CHD2: variants seen among roughly 807,000 people sequenced by gnomAD.
CHD2 encodes the protein ATP-dependent chromatin remodeler CHD2.
A neutral mutation model predicts 243.9 loss-of-function variants in CHD2; 28 were observed. The ratio of observed to expected loss-of-function variants is 0.11; its 90% CI spans 0.09 to 0.16. The LOEUF (loss-of-function observed/expected upper bound fraction) is 0.16. Ranked by LOEUF, CHD2 falls within the 10% of genes least tolerant of loss-of-function variation. The pLI is 1.00. For missense variants in CHD2, 1,386 were observed against 2,209.8 expected, an observed-to-expected ratio of 0.63 and a Z score of 7.47; for synonymous variants, 775 against 779.0, an observed-to-expected ratio of 0.99 and a Z score of 0.09.
chr15:92,961,405 GTTTTC>G (rs1164421965), intron 16 of CHD2, among the ~76,000 whole-genome samples: 4 of 151,920 alleles, frequency 2.6e-5, no homozygotes, highest in Admixed American at 2.6e-4. Context: ...TTTAATTTTA[GTTTTC>G]TTTTTTAAGA....
rs749592290 is a variant in CHD2 at position 93,014,716 on chromosome 15, C to T, written c.4713C>T (p.Asp1571=). The T allele has an allele frequency of 1.3e-5, 21 of 1,613,926 alleles. No homozygotes were observed. The highest frequency in any genetic ancestry group is 1.6e-4 in the Middle Eastern group (1 of 6,080). Residue 1571 remains aspartate, a synonymous_variant, in exon 37 of 39, where the codon GAC becomes GAT. Coordinates refer to ENST00000394196, the MANE Select transcript of CHD2 (RefSeq NM_001271.4). ...QEEEEQKKKD[D]VTGGKKPFRP... ...TTTAGGAGCAAAAGAAGAAAGACGA[C>T]GTGACTGGGGGTAAGAAACCATTTC...
At chr15:92,960,934 T>C (rs965241710) in intron 16 of CHD2, among the ~76,000 whole-genome samples, 5 of 152,010 alleles carry the variant, frequency 3.3e-5, no homozygotes, top group African/African-American at 1.2e-4. Context: ...GCCAGGTTGG[T>C]CTCGAACTCC....
At position 92,953,299 on chromosome 15, in the gene CHD2, TTC is replaced by T. The variant is rs879191838; in HGVS notation, c.1503-56_1503-55del. ...TTGGTGTCGTTGCTGTTTATGCACA[TTC>T]TGTGTTTTGGTGAACTAATGATTTT... On this transcript the variant is annotated intron_variant, in intron 13 of 38. Transcript: ENST00000394196. The T allele has an allele frequency of 1.4e-5, 20 of 1,421,212 alleles. No homozygotes were observed. In the South Asian group the frequency reaches 2.0e-4, roughly 14 times the overall value. 88.0% of individuals were successfully genotyped at this position (1,421,212 alleles called of 1,614,324 possible). A position where few individuals can be genotyped will look rare whatever the true frequency, so the allele number is the denominator to read the frequency against.
chr15:92,903,549 C>A (rs1466337130), intron 2 of CHD2, among the ~76,000 whole-genome samples: 2 of 151,682 alleles, frequency 1.3e-5, no homozygotes, highest in Non-Finnish European at 2.9e-5. Flanking sequence ...TACTTTATCA[C>A]GATTTTTGAA....
intron 24 of CHD2, among the ~76,000 whole-genome samples, chr15:92,983,939 T>C (rs1250553684): frequency 6.6e-6 from 1 of 152,200 alleles, no homozygotes; most frequent in African/African-American, 2.4e-5. Flanking sequence ...TCTATACAAC[T>C]TATAGAAATG....
intron 34 of CHD2, 133 bp downstream of exon 34, chr15:93,004,884 G>A (rs1433749832): frequency 2.0e-5 from 18 of 913,844 alleles, no homozygotes; most frequent in Non-Finnish European, 2.5e-5. Flanking sequence ...ATTGCTTACA[G>A]TATCGGAAGA....
chr15:92,996,955 A>G lies in CHD2; in HGVS notation c.3596-2A>G. 1 of 1,592,624 alleles carries G rather than the reference A, an allele frequency of 6.3e-7. No homozygotes were observed. Among genetic ancestry groups the G allele is most frequent in the South Asian group, 1.2e-5 (1 of 86,578 alleles). ...AACTAATGTGAAACTGGTATTTTTC[A>G]GGAAAAGGACCAGGGAAAAGGAGAG... On this transcript the variant is annotated splice_acceptor_variant, in intron 28 of 38. Transcript: ENST00000394196. LOFTEE classifies it high-confidence loss of function.
At chr15:92,933,559 G>T (rs531388589) in intron 5 of CHD2, among the ~76,000 whole-genome samples, 2 of 151,972 alleles carry the variant, frequency 1.3e-5, no homozygotes, top group Admixed American at 6.6e-5. Context: ...TCCAAATTGC[G>T]CAGTGTTGTA....
At chr15:93,001,582 T>A (rs537574267) in intron 32 of CHD2, among the ~76,000 whole-genome samples, 2 of 152,250 alleles carry the variant, frequency 1.3e-5, no homozygotes, top group South Asian at 4.1e-4. Flanking sequence ...AGTGGCGCGA[T>A]CTGGGCTCAC....
At chr15:92,975,089 C>A in intron 20 of CHD2, 139 bp downstream of exon 20, 1 of 645,020 alleles carries the variant, frequency 1.6e-6, no homozygotes, top group Non-Finnish European at 2.6e-6. Flanking sequence ...AGAAATCTCT[C>A]ATATAAAAGA....
rs542091776 is a variant in CHD2, at chr15:93,026,136, C to T, written c.*1431C>T. 2 of 152,700 alleles carry T rather than the reference C, an allele frequency of 1.3e-5. No homozygotes were observed. The highest frequency in any genetic ancestry group is 4.8e-5 in the African/African-American group (2 of 41,546). 9.5% of individuals were successfully genotyped at this position (152,700 alleles called of 1,614,324 possible). A position where few individuals can be genotyped will look rare whatever the true frequency, so the allele number is the denominator to read the frequency against. On this transcript the variant is annotated 3_prime_UTR_variant, in exon 39 of 39. Transcript: ENST00000394196. Reference sequence around the variant, plus strand: ...TGATGCTGGGGCCTTCAGTTTTATTCTCAGTATAGATTGCCAGTATTGTTA... The same window carrying T: ...TGATGCTGGGGCCTTCAGTTTTATTTTCAGTATAGATTGCCAGTATTGTTA...
At chr15:92,915,153 G>C (rs1052003318) in intron 2 of CHD2, among the ~76,000 whole-genome samples, 1 of 152,170 alleles carries the variant, frequency 6.6e-6, no homozygotes, top group Non-Finnish European at 1.5e-5. Flanking sequence ...TAGGGTGACT[G>C]CTGAGAGCAC....
At chr15:92,917,980 C>A (rs1450349726) in intron 2 of CHD2, among the ~76,000 whole-genome samples, 4 of 152,220 alleles carry the variant, frequency 2.6e-5, no homozygotes, top group African/African-American at 9.6e-5. Flanking sequence ...ATTTTGCTTT[C>A]ACCCACAAAA....
rs2054214077 is a variant in CHD2, at chr15:92,998,700, C to G, written c.4008+79C>G. The G allele has an allele frequency of 6.5e-7, 1 of 1,532,630 alleles. No individual in the cohort carries two copies. The highest frequency in any genetic ancestry group is 1.4e-5 in the African/African-American group (1 of 72,452). The allele number at this position is 1,532,630 out of a possible 1,614,324, so 94.9% of individuals were successfully genotyped here. On this transcript the variant is annotated intron_variant, in intron 31 of 38. Coordinates refer to ENST00000394196, the MANE Select transcript of CHD2 (RefSeq NM_001271.4). The surrounding 1 kb of genome is among the most constrained non-coding windows in gnomAD (Gnocchi z 5.1). ...AGAATTAGGTAGGAAGAGAGAGGCCCTCTCTGAGCACTGCACAGAATGTCA... is the reference window on the plus strand; with the variant it reads ...AGAATTAGGTAGGAAGAGAGAGGCCGTCTCTGAGCACTGCACAGAATGTCA...
chr15:92,987,631 A>ATC (rs2054060803), intron 26 of CHD2, among the ~76,000 whole-genome samples: 1 of 150,746 alleles, frequency 6.6e-6, no homozygotes, highest in Non-Finnish European at 1.5e-5. Flanking sequence ...AAAAAAAAAG[A>ATC]TGGTATCTTA....
intron 38 of CHD2, chr15:93,022,297 AGAG>A (rs2054543561): frequency 6.6e-6 from 1 of 152,210 alleles, no homozygotes; most frequent in South Asian, 2.1e-4. Flanking sequence ...AGCAAGAGAG[AGAG>A]GAGGAGGTGC....
chr15:92,976,387 A>G (rs553398033), intron 20 of CHD2, among the ~76,000 whole-genome samples: 9 of 152,320 alleles, frequency 5.9e-5, no homozygotes, highest in South Asian at 2.1e-4. Context: ...GAAAAAAACA[A>G]TTGTACCCCT....
chr15:93,014,120 C>CA (rs1016974207), intron 36 of CHD2, among the ~76,000 whole-genome samples: 88 of 151,434 alleles, frequency 5.8e-4, no homozygotes, highest in African/African-American at 1.3e-3. Flanking sequence ...AATATAACTA[C>CA]AAAAAAAAGC....
chr15:92,970,270 C>G (rs886736191), intron 17 of CHD2, among the ~76,000 whole-genome samples: 9 of 152,008 alleles, frequency 5.9e-5, no homozygotes, highest in African/African-American at 2.2e-4. Flanking sequence ...TGTGTGATCT[C>G]AGCTCACCTC....
Sources: allele counts gnomAD v4.1 joint callset (sites outside exome capture counted in the v4.1 genomes callset), GRCh38; gene constraint gnomAD v4.1.1; non-coding constraint Gnocchi (gnomAD v3.1); transcripts MANE v1.5; gene names NCBI Gene and HGNC (gene_info 2026-07-23, HGNC 2026-07-21).